Variants in RASGRP3 observed in about 807,000 individuals in gnomAD.
The protein encoded by RASGRP3 is ras guanyl-releasing protein 3.
RASGRP3 carries 54 observed loss-of-function variants against 82.7 expected under a neutral mutation model. The ratio of observed to expected loss-of-function variants is 0.65; its 90% CI spans 0.52 to 0.82. The LOEUF (loss-of-function observed/expected upper bound fraction) is 0.82, where lower values mean the gene tolerates loss of function less well. RASGRP3 is among the 40% of genes least tolerant of loss of function. RASGRP3 has a pLI of 0.00. For missense variants in RASGRP3, 861 were observed against 828.9 expected (o/e 1.04, Z -0.48); for synonymous variants, 309 against 300.5 (o/e 1.03, Z -0.29).
chr2:33,450,922 C>T lies in RASGRP3; in HGVS notation c.-261+2979C>T, dbSNP rs147050580. On this transcript the variant is annotated intron_variant, in intron 2 of 18. Coordinates refer to the RASGRP3 transcript ENST00000402538. ...GCATGATCTCGGCTCACTGCAAACTCCACCTCCCAGGTTCACAGCATTCTC... is the reference window on the plus strand; with the variant it reads ...GCATGATCTCGGCTCACTGCAAACTTCACCTCCCAGGTTCACAGCATTCTC... 1.1e-3 allele frequency among the ~76,000 whole-genome samples: 156 copies of T among 138,974 alleles called. No homozygotes were observed. The East Asian group carries it at 0.034, about 31-fold the overall frequency. 91.2% of individuals were successfully genotyped at this position (138,974 alleles called of 152,430 possible).
chr2:33,436,949 C>T (rs775112850), intron 1 of RASGRP3, among the ~76,000 whole-genome samples: 1 of 151,906 alleles, frequency 6.6e-6, no homozygotes, highest in Non-Finnish European at 1.5e-5. Context: ...TAATAATCCA[C>T]CTATAATTTA....
chr2:33,510,165 A>G (rs1670796776), intron 1 of RASGRP3, among the ~76,000 whole-genome samples: 1 of 152,264 alleles, frequency 6.6e-6, no homozygotes. Flanking sequence ...TCATTTATGC[A>G]TAAAGATAAT....
intron 14 of RASGRP3, among the ~76,000 whole-genome samples, chr2:33,553,178 T>C (rs1675540785): frequency 1.3e-5 from 2 of 151,922 alleles, no homozygotes; most frequent in South Asian, 2.1e-4. Flanking sequence ...TTATCCTTTC[T>C]TGTCCCACCT....
At chr2:33,536,707 C>A (rs1435602744) in intron 11 of RASGRP3, among the ~76,000 whole-genome samples, 1 of 152,168 alleles carries the variant, frequency 6.6e-6, no homozygotes, top group East Asian at 1.9e-4. Flanking sequence ...CTCTTTCTGT[C>A]TCTTCTCTAA....
rs79955347 is a variant in RASGRP3 at position 33,511,727 on chromosome 2, T to C, written c.-243T>C. ...TTTGTCAGGTTCTCCAAAATACTTA[T>C]CATTCAGGTTGAATAAACCAGTTCT... On this transcript the variant is annotated 5_prime_UTR_variant, in exon 2 of 18. Coordinates refer to ENST00000403687, the MANE Select transcript of RASGRP3 (RefSeq NM_001139488.2). 1.3e-5 allele frequency: 2 copies of C among 152,630 alleles called. No individual in the cohort carries two copies. 9.5% of individuals were successfully genotyped at this position (152,630 alleles called of 1,614,324 possible).
chr2:33,535,049 C>A (rs1434224613), intron 11 of RASGRP3, among the ~76,000 whole-genome samples: 6 of 152,120 alleles, frequency 3.9e-5, no homozygotes, highest in African/African-American at 1.4e-4. Context: ...TGTTAAAGAT[C>A]ATTTAGACTG....
rs939849907 is a variant in RASGRP3, at chr2:33,549,640, C to T, written c.1431C>T (p.Tyr477=). ...TTAGTAAAGATGAAATGATGGCTTA[C>T]TTCCTGAGAGCTAAATCCCAACTAC... ...GLISKDEMMA[Y]FLRAKSQLHC... The change falls in exon 14 of 18, where the codon TAC becomes TAT. Residue 477 remains tyrosine (Y), a synonymous_variant. Coordinates refer to ENST00000403687, the MANE Select transcript of RASGRP3 (RefSeq NM_001139488.2). 6.2e-7 allele frequency: 1 copy of T among 1,613,390 alleles called. No individual in the cohort carries two copies. Among genetic ancestry groups the T allele is most frequent in the East Asian group, 2.2e-5 (1 of 44,888 alleles).
chr2:33,438,682 G>A (rs1199913562), intron 1 of RASGRP3, among the ~76,000 whole-genome samples: 4 of 152,050 alleles, frequency 2.6e-5, no homozygotes, highest in Non-Finnish European at 4.4e-5. Flanking sequence ...ACAAGTTGCT[G>A]AGAACATTTT....
At chr2:33,551,102 C>T (rs1675313325) in intron 14 of RASGRP3, among the ~76,000 whole-genome samples, 1 of 152,074 alleles carries the variant, frequency 6.6e-6, no homozygotes. Context: ...CACCTGAGGT[C>T]AGAAGTTTGA....
At chr2:33,487,468 G>A (rs1337314916) in intron 1 of RASGRP3, among the ~76,000 whole-genome samples, 3 of 152,132 alleles carry the variant, frequency 2.0e-5, no homozygotes, top group Non-Finnish European at 4.4e-5. Flanking sequence ...AGGAAAGGAG[G>A]GAGTTAAAGA....
Position 33,466,340 on chromosome 2 carries a change from G to T in RASGRP3, c.-261+18397G>T, listed in dbSNP as rs149863149. On this transcript the variant is annotated intron_variant, in intron 2 of 18. Transcript: ENST00000402538. ...TATTGACATTAATAGGAGTTTGAAA[G>T]AAGTTTACCCCAACCCTCATGGACG... Among the ~76,000 whole-genome samples, 3 of 152,302 alleles carry T rather than the reference G, an allele frequency of 2.0e-5. No individual in the cohort carries two copies. The East Asian group carries it at 5.8e-4, about 29-fold the overall frequency.
chr2:33,546,435 A>G (rs995001002), intron 13 of RASGRP3, among the ~76,000 whole-genome samples: 4 of 151,922 alleles, frequency 2.6e-5, no homozygotes, highest in East Asian at 1.9e-4. Flanking sequence ...AAAAAAAAAA[A>G]AAAGAAAGTC....
intron 2 of RASGRP3, among the ~76,000 whole-genome samples, chr2:33,454,323 T>A (rs1665937551): frequency 6.6e-6 from 1 of 152,226 alleles, no homozygotes; most frequent in Non-Finnish European, 1.5e-5. Context: ...TCTATACTTT[T>A]CTCTGTTTGA....
At chr2:33,519,889 C>A in intron 4 of RASGRP3, 63 bp from the exon 5 acceptor site, 1 of 1,151,676 alleles carries the variant, frequency 8.7e-7, no homozygotes, top group Non-Finnish European at 1.3e-6. Context: ...ACATTGAGGG[C>A]ACAGCTGCAG....
intron 2 of RASGRP3, among the ~76,000 whole-genome samples, chr2:33,450,587 T>C (rs1343970557): frequency 6.6e-6 from 1 of 152,068 alleles, no homozygotes; most frequent in Non-Finnish European, 1.5e-5. Flanking sequence ...AGCACTCCAT[T>C]GTATATACCG....
intron 12 of RASGRP3, 131 bp downstream of exon 12, chr2:33,539,341 G>A (rs1023737317): frequency 2.8e-6 from 2 of 709,168 alleles, no homozygotes; most frequent in Non-Finnish European, 4.8e-6. Context: ...CAATTTAGCA[G>A]GCACTTAGTC....
intron 3 of RASGRP3, 119 bp from the exon 4 acceptor site, chr2:33,516,423 A>G (rs1671473871): frequency 6.5e-5 from 42 of 643,944 alleles, no homozygotes; most frequent in Non-Finnish European, 2.6e-6. Flanking sequence ...AAATAAAATA[A>G]AAGATCATTT....
intron 14 of RASGRP3, among the ~76,000 whole-genome samples, chr2:33,552,801 A>G (rs951770457): frequency 1.1e-4 from 17 of 152,234 alleles, no homozygotes. Context: ...ACTTCCCCCA[A>G]GGTCACACAG....
At position 33,516,576 on chromosome 2, in the gene RASGRP3, A is replaced by G; in HGVS notation, c.105A>G (p.Pro35=). The change falls in exon 4 of 18, where the codon CCA becomes CCG. Residue 35 remains proline, a synonymous_variant. Transcript: ENST00000403687. ...GAGAGCTGGATAATAGTTATTTGCC[A>G]AGAATAGTTCTACTGATGCACCGAT... ...DNGELDNSYL[P]RIVLLMHRWY... The G allele has an allele frequency of 1.3e-6, 2 of 1,593,134 alleles. No individual in the cohort carries two copies. The highest frequency in any genetic ancestry group is 1.7e-4 in the Middle Eastern group (1 of 6,024).
Sources: allele counts gnomAD v4.1 joint callset (sites outside exome capture counted in the v4.1 genomes callset), GRCh38; gene constraint gnomAD v4.1.1; transcripts MANE v1.5; gene names NCBI Gene and HGNC (gene_info 2026-07-23, HGNC 2026-07-21).